Variants in DLGAP1 observed in about 807,000 individuals in gnomAD.
DLGAP1 encodes disks large-associated protein 1.
A neutral mutation model predicts 90.8 loss-of-function variants in DLGAP1; 11 were observed. That is an observed-to-expected ratio of 0.12 (90% confidence interval 0.08 to 0.20). DLGAP1 has a LOEUF of 0.20. Ranked by LOEUF, DLGAP1 falls within the 10% of genes least tolerant of loss-of-function variation. The pLI, the probability that DLGAP1 is intolerant of heterozygous loss-of-function variation, is 1.00. For missense variants in DLGAP1, 1,050 were observed against 1,333.8 expected (o/e 0.79, Z 3.31); for synonymous variants, 558 against 540.7 (o/e 1.03, Z -0.44).
intron 1 of DLGAP1, among the ~76,000 whole-genome samples, chr18:4,259,931 CT>C (rs1232254429): frequency 6.6e-5 from 10 of 152,086 alleles, no homozygotes; most frequent in Admixed American, 6.5e-5. Context: ...ATTAAATTCT[CT>C]ACTACTTTCT....
chr18:3,744,962 G>A (rs1221030955), intron 5 of DLGAP1, among the ~76,000 whole-genome samples: 1 of 152,162 alleles, frequency 6.6e-6, no homozygotes, highest in South Asian at 2.1e-4. Flanking sequence ...CTAACTCTGA[G>A]TAGATGAAAT....
chr18:4,035,991 A>AGT (rs1293816452), intron 2 of DLGAP1, among the ~76,000 whole-genome samples: 70 of 152,344 alleles, frequency 4.6e-4, no homozygotes, highest in African/African-American at 1.6e-3. Context: ...GAGGACACTT[A>AGT]GTACCGGGAA....
chr18:3,949,048 C>G (rs1317658776), intron 3 of DLGAP1, among the ~76,000 whole-genome samples: 1 of 152,096 alleles, frequency 6.6e-6, no homozygotes, highest in Non-Finnish European at 1.5e-5. Flanking sequence ...AAAAGGCTTT[C>G]AGGAAGAATA....
At chr18:3,860,098 C>CAAAAAAAAAAAAATA (rs1169488386) in intron 4 of DLGAP1, among the ~76,000 whole-genome samples, 2 of 104,920 alleles carry the variant, frequency 1.9e-5, no homozygotes, top group African/African-American at 4.1e-5. Context: ...GACTCTGTCT[C>CAAAAAAAAAAAAATA]AAAAAATAAA....
intron 9 of DLGAP1, among the ~76,000 whole-genome samples, chr18:3,535,500 G>T (rs112606216): frequency 6.6e-6 from 1 of 151,850 alleles, no homozygotes; most frequent in East Asian, 1.9e-4. Flanking sequence ...AAGGTCAGGG[G>T]ATCGAGACCC....
At chr18:3,694,346 A>G (rs2061011271) in intron 7 of DLGAP1, among the ~76,000 whole-genome samples, 1 of 152,194 alleles carries the variant, frequency 6.6e-6, no homozygotes, top group African/African-American at 2.4e-5. Flanking sequence ...TGCAATAAAC[A>G]TATGTGTGCA....
chr18:3,960,823 G>A (rs2073183560), intron 3 of DLGAP1, among the ~76,000 whole-genome samples: 2 of 152,204 alleles, frequency 1.3e-5, no homozygotes, highest in Non-Finnish European at 1.5e-5. Context: ...TGGGAAGCTC[G>A]ATTCTGTGCA....
intron 5 of DLGAP1, among the ~76,000 whole-genome samples, chr18:3,779,065 G>T (rs1389250505): frequency 6.6e-6 from 1 of 152,300 alleles, no homozygotes; most frequent in Non-Finnish European, 1.5e-5. Flanking sequence ...ACCCGCAGGT[G>T]GTGAGTGAGC....
intron 7 of DLGAP1, among the ~76,000 whole-genome samples, chr18:3,630,194 A>C (rs1312434674): frequency 6.6e-6 from 1 of 152,194 alleles, no homozygotes; most frequent in Non-Finnish European, 1.5e-5. Context: ...GTTGGGCCTC[A>C]TTCAATCAAT....
intron 7 of DLGAP1, among the ~76,000 whole-genome samples, chr18:3,720,085 T>A (rs1196898298): frequency 6.6e-6 from 1 of 152,194 alleles, no homozygotes; most frequent in African/African-American, 2.4e-5. Context: ...GGTTAACCAA[T>A]GTCAAGTGTA....
At position 4,095,505 on chromosome 18, in the gene DLGAP1, C is replaced by A. The variant is rs1232063185; in HGVS notation, c.-159+55675G>T. Among the ~76,000 whole-genome samples the A allele has an allele frequency of 2.6e-5, 4 of 152,114 alleles. No individual in the cohort carries two copies. In the East Asian group the frequency reaches 7.7e-4, roughly 29 times the overall value. ...GTGCTTTCTAACCTTGTAGAGAATT[C>A]TTTTCTTGCTAACAGGTTATATAAA... is the stretch of plus-strand genomic sequence containing the variant. On this transcript the variant is annotated intron_variant, in intron 2 of 12. Coordinates refer to ENST00000315677, the MANE Select transcript of DLGAP1 (RefSeq NM_004746.4).
chr18:4,099,442 A>T (rs2075742973), intron 2 of DLGAP1, among the ~76,000 whole-genome samples: 1 of 152,172 alleles, frequency 6.6e-6, no homozygotes. Context: ...GATTTTTTTC[A>T]GTTTCCCAAT....
At chr18:3,676,224 G>T (rs1265943620) in intron 7 of DLGAP1, among the ~76,000 whole-genome samples, 1 of 152,158 alleles carries the variant, frequency 6.6e-6, no homozygotes, top group Non-Finnish European at 1.5e-5. Context: ...GTTTATTTGC[G>T]TAATAAGATT....
At chr18:4,202,302 A>G (rs928978873) in intron 1 of DLGAP1, among the ~76,000 whole-genome samples, 1 of 152,212 alleles carries the variant, frequency 6.6e-6, no homozygotes, top group Non-Finnish European at 1.5e-5. Flanking sequence ...GAGCTAAACT[A>G]TGGGTACAAA....
chr18:4,426,476 C>T (rs1449807612), intron 1 of DLGAP1, among the ~76,000 whole-genome samples: 5 of 150,924 alleles, frequency 3.3e-5, no homozygotes, highest in Non-Finnish European at 7.4e-5. Context: ...GAAAGGATTT[C>T]AAGAGGATAA....
At chr18:4,246,320 A>C (rs1320901205) in intron 1 of DLGAP1, among the ~76,000 whole-genome samples, 1 of 152,256 alleles carries the variant, frequency 6.6e-6, no homozygotes, top group Non-Finnish European at 1.5e-5. Flanking sequence ...CAGGAAGGCC[A>C]AACAAATTTT....
intron 10 of DLGAP1, among the ~76,000 whole-genome samples, chr18:3,509,953 G>T (rs2050448092): frequency 6.6e-6 from 1 of 152,160 alleles, no homozygotes; most frequent in Admixed American, 6.5e-5. Flanking sequence ...ACAGCTCACA[G>T]ACAGATATTT....
intron 7 of DLGAP1, among the ~76,000 whole-genome samples, chr18:3,630,669 G>A (rs2058491857): frequency 6.6e-6 from 1 of 152,094 alleles, no homozygotes. Context: ...TGCCTCTCAA[G>A]CTTCCATATG....
rs578005490 is a variant in DLGAP1 at position 3,603,675 on chromosome 18, A to T, written c.1592-21427T>A. ...TGCTGTTAGCTCCGGCAGTTGGATGAAAAGTTTTAGCAAAAGCAGCAACAA... is the reference window on the plus strand; with the variant it reads ...TGCTGTTAGCTCCGGCAGTTGGATGTAAAGTTTTAGCAAAAGCAGCAACAA... On this transcript the variant is annotated intron_variant, in intron 7 of 12. Transcript: ENST00000315677. 7.8e-5 allele frequency: 12 copies of T among 154,390 alleles called. No individual in the cohort carries two copies. In the South Asian group the frequency reaches 2.4e-3, roughly 31 times the overall value. 9.6% of individuals were successfully genotyped at this position (154,390 alleles called of 1,614,324 possible).
Sources: gnomAD v4.1 joint callset for allele counts (sites outside exome capture counted in the v4.1 genomes callset) on GRCh38, gnomAD v4.1.1 for gene constraint, MANE v1.5 for transcripts, NCBI Gene and HGNC (gene_info 2026-07-23, HGNC 2026-07-21) for gene names.